The following KCNH8 variants were observed in gnomAD, a reference collection of about 807,000 sequenced individuals.
The protein encoded by KCNH8 is potassium voltage-gated channel subfamily H member 8.
A neutral mutation model predicts 103.6 loss-of-function variants in KCNH8; 70 were observed. That is an observed-to-expected ratio of 0.68 (90% CI 0.56 to 0.82). The LOEUF is 0.82. Among genes scored for constraint, KCNH8 ranks in the 40% least tolerant of loss-of-function variants. The pLI is 0.00. For synonymous variants in KCNH8, 498 were observed against 489.4 expected (o/e 1.02, Z -0.23); for missense variants, 1,217 against 1,329.9 (o/e 0.92, Z 1.32).
chr3:19,450,959 CT>C (rs1382777127), intron 9 of KCNH8, 195 bp from the exon 10 acceptor site: 9 of 592,498 alleles, frequency 1.5e-5, no homozygotes, highest in Admixed American at 6.1e-5. Context: ...TTCTTATCAG[CT>C]GATTATTCAG....
intron 6 of KCNH8, among the ~76,000 whole-genome samples, chr3:19,392,629 G>A (rs1162556898): frequency 6.6e-6 from 1 of 152,110 alleles, no homozygotes; most frequent in East Asian, 1.9e-4. Flanking sequence ...TCTAAAATAT[G>A]TCCAGTTAAT....
In KCNH8 at chr3:19,390,595, C is replaced by T. The variant is rs1292204185; in HGVS notation, c.926C>T (p.Ala309Val). The T allele has an allele frequency of 6.2e-7, 1 of 1,613,452 alleles. No homozygotes were observed. The highest frequency in any genetic ancestry group is 8.5e-7 in the Non-Finnish European group (1 of 1,179,634). Residue 309 changes from alanine (A) to valine (V), a missense_variant, in exon 6 of 16, where the codon GCT (alanine) becomes GTT (valine). Transcript: ENST00000328405. ...VTTWFIIDLI[A>V]ALPFDLLYAF... Reference sequence around the variant, plus strand: ...ACCTGGTTCATCATTGATTTAATCGCTGCCCTGCCTTTTGATCTTCTGTAT... The same window carrying T: ...ACCTGGTTCATCATTGATTTAATCGTTGCCCTGCCTTTTGATCTTCTGTAT...
At chr3:19,164,509 G>C (rs1301790346) in intron 1 of KCNH8, among the ~76,000 whole-genome samples, 1 of 152,124 alleles carries the variant, frequency 6.6e-6, no homozygotes, top group African/African-American at 2.4e-5. Context: ...AGCCTAGAAA[G>C]GTTTAATAAA....
At chr3:19,493,080 C>A (rs2068361675) in intron 11 of KCNH8, among the ~76,000 whole-genome samples, 1 of 151,966 alleles carries the variant, frequency 6.6e-6, no homozygotes, top group Non-Finnish European at 1.5e-5. Context: ...ATTTTTGTAT[C>A]CTAAAACCTT....
chr3:19,295,571 T>TA (rs1361644815), intron 3 of KCNH8, among the ~76,000 whole-genome samples: 1 of 152,152 alleles, frequency 6.6e-6, no homozygotes, highest in African/African-American at 2.4e-5. Context: ...TTACAGCTGT[T>TA]ATGATACTGT....
rs748197397 is a variant in KCNH8, at chr3:19,292,392, A to C, written c.442+11063A>C. Among the ~76,000 whole-genome samples, 10 of 152,324 alleles carry C rather than the reference A, an allele frequency of 6.6e-5. No homozygotes were observed. The South Asian group carries it at 2.1e-3, about 32-fold the overall frequency. Reference sequence around the variant, plus strand: ...CGCAGTGGCATTTCTTGGTTGTCTAAGTGGCAAGCTGCAGCAGGTTGGCAT... The same window carrying C: ...CGCAGTGGCATTTCTTGGTTGTCTACGTGGCAAGCTGCAGCAGGTTGGCAT... On this transcript the variant is annotated intron_variant, in intron 3 of 15. Transcript: ENST00000328405.
At chr3:19,428,435 T>TTA (rs2067061420) in intron 7 of KCNH8, among the ~76,000 whole-genome samples, 1 of 152,198 alleles carries the variant, frequency 6.6e-6, no homozygotes, top group Non-Finnish European at 1.5e-5. Context: ...TATTTTCTAC[T>TTA]TACGGAACTG....
At chr3:19,157,833 G>T (rs920311849) in intron 1 of KCNH8, among the ~76,000 whole-genome samples, 1 of 151,508 alleles carries the variant, frequency 6.6e-6, no homozygotes, top group Non-Finnish European at 1.5e-5. Context: ...ACATCTTTGA[G>T]CCATTTATAT....
chr3:19,190,318 T>G (rs568140876), intron 1 of KCNH8, among the ~76,000 whole-genome samples: 1 of 152,138 alleles, frequency 6.6e-6, no homozygotes, highest in Admixed American at 6.6e-5. Flanking sequence ...CCTTTAGTTC[T>G]CTGAGGAGAT....
intron 3 of KCNH8, among the ~76,000 whole-genome samples, chr3:19,334,654 T>C (rs2125312331): frequency 6.6e-6 from 1 of 151,500 alleles, no homozygotes; most frequent in East Asian, 1.9e-4. Flanking sequence ...CTAGGATCTA[T>C]AATTATTCCT....
intron 3 of KCNH8, among the ~76,000 whole-genome samples, chr3:19,291,031 A>G (rs1166493333): frequency 1.3e-5 from 2 of 152,200 alleles, no homozygotes; most frequent in African/African-American, 4.8e-5. Flanking sequence ...TTATTTGCAT[A>G]GAGGTGTTTA....
intron 7 of KCNH8, among the ~76,000 whole-genome samples, chr3:19,430,033 C>T (rs1164270202): frequency 6.6e-6 from 1 of 152,120 alleles, no homozygotes; most frequent in Non-Finnish European, 1.5e-5. Context: ...TGTATGCATG[C>T]ATGTGTCTTT....
intron 5 of KCNH8, among the ~76,000 whole-genome samples, chr3:19,385,072 C>T (rs775974456): frequency 2.0e-5 from 3 of 152,072 alleles, no homozygotes; most frequent in Admixed American, 6.6e-5. Flanking sequence ...AACCTGAGAA[C>T]TGAGAGATGA....
At chr3:19,437,375 A>C (rs1484193033) in intron 7 of KCNH8, among the ~76,000 whole-genome samples, 5 of 152,168 alleles carry the variant, frequency 3.3e-5, no homozygotes, top group Admixed American at 3.3e-4. Context: ...TCTCATGTTT[A>C]TTAATATAGG....
chr3:19,460,705 T>G (rs1575091806), intron 11 of KCNH8, among the ~76,000 whole-genome samples: 2 of 152,190 alleles, frequency 1.3e-5, no homozygotes, highest in East Asian at 1.9e-4. Flanking sequence ...AAGTTTCATA[T>G]GGTTTGACTG....
At chr3:19,204,279 CTG>C (rs2063691349) in intron 1 of KCNH8, among the ~76,000 whole-genome samples, 1 of 151,982 alleles carries the variant, frequency 6.6e-6, no homozygotes, top group African/African-American at 2.4e-5. Flanking sequence ...ACTAATGTGT[CTG>C]TGAGAGCCCA....
At chr3:19,243,575 A>T (rs966452208) in intron 1 of KCNH8, among the ~76,000 whole-genome samples, 2 of 152,230 alleles carry the variant, frequency 1.3e-5, no homozygotes, top group African/African-American at 4.8e-5. Flanking sequence ...TATGGAAAAC[A>T]TTTGAATACC....
At chr3:19,254,023 A>G (rs1378365960) in intron 2 of KCNH8, 136 bp downstream of exon 2, 9 of 631,014 alleles carry the variant, frequency 1.4e-5, no homozygotes, top group Non-Finnish European at 2.2e-5. Context: ...AGTTCCACAA[A>G]TGACTTGGAT....
intron 1 of KCNH8, among the ~76,000 whole-genome samples, chr3:19,208,307 T>C (rs2063736710): frequency 1.3e-5 from 2 of 152,056 alleles, no homozygotes; most frequent in Admixed American, 1.3e-4. Flanking sequence ...AAAGTACACA[T>C]TTAACATTTC....
Sources: gnomAD v4.1 joint callset for allele counts (sites outside exome capture counted in the v4.1 genomes callset) on GRCh38, gnomAD v4.1.1 for gene constraint, MANE v1.5 for transcripts, NCBI Gene and HGNC (gene_info 2026-07-23, HGNC 2026-07-21) for gene names.